Variants in NKAIN2 observed in about 807,000 individuals in gnomAD.
NKAIN2 encodes the protein sodium/potassium-transporting ATPase subunit beta-1-interacting protein 2.
NKAIN2 carries 14 observed loss-of-function variants against 32.6 expected under a neutral mutation model. The observed-to-expected ratio is 0.43, with a 90% CI of 0.28 to 0.67. The LOEUF is 0.67. Among genes scored for constraint, NKAIN2 ranks in the 30% least tolerant of loss-of-function variants. The pLI is 0.17. For missense variants in NKAIN2, 198 were observed against 258.3 expected, an observed-to-expected ratio of 0.77 and a Z score of 1.60; for synonymous variants, 80 against 87.2, an observed-to-expected ratio of 0.92 and a Z score of 0.46.
chr6:124,517,383 TAC>T (rs1183011923), intron 3 of NKAIN2, among the ~76,000 whole-genome samples: 1 of 152,178 alleles, frequency 6.6e-6, no homozygotes, highest in Admixed American at 6.5e-5. Flanking sequence ...AAATCTCTCA[TAC>T]ACAAAAATCT....
intron 2 of NKAIN2, among the ~76,000 whole-genome samples, chr6:124,337,389 C>A (rs1797922588): frequency 6.6e-6 from 1 of 152,052 alleles, no homozygotes; most frequent in Non-Finnish European, 1.5e-5. Context: ...CACCTGTAGT[C>A]CCAGCTGCTC....
chr6:124,390,663 G>T (rs952008063), intron 3 of NKAIN2: 1 of 152,124 alleles, frequency 6.6e-6, no homozygotes, highest in Non-Finnish European at 1.5e-5. Context: ...GAACATATGA[G>T]ATCTACCTAT....
chr6:124,727,374 C>G (rs1583738151), intron 4 of NKAIN2, among the ~76,000 whole-genome samples: 2 of 152,232 alleles, frequency 1.3e-5, no homozygotes, highest in East Asian at 1.9e-4. Context: ...AGAAACCCTA[C>G]AAGCCAGAAG....
rs138357491 is a variant in NKAIN2, at chr6:124,156,186, T to A, written c.55-126819T>A. Among the ~76,000 whole-genome samples, 703 of 152,226 alleles carry A rather than the reference T, an allele frequency of 4.6e-3. 4 individuals are homozygous for A. Among genetic ancestry groups the A allele is most frequent in the African/African-American group, 0.017 (686 of 41,540 alleles). On this transcript the variant is annotated intron_variant, in intron 1 of 6. Coordinates refer to ENST00000368417, the MANE Select transcript of NKAIN2 (RefSeq NM_001040214.3). ...TGGAGATGAGGGAACAGAAAGCAGG[T>A]CACTAGATACTTATGGATGACTAAG...
chr6:124,582,926 T>C (rs1781574764), intron 3 of NKAIN2, among the ~76,000 whole-genome samples: 1 of 152,018 alleles, frequency 6.6e-6, no homozygotes, highest in Non-Finnish European at 1.5e-5. Context: ...AACATCCCTC[T>C]ATTATAAAAA....
At chr6:124,038,387 G>C (rs1363935385) in intron 1 of NKAIN2, among the ~76,000 whole-genome samples, 1 of 151,906 alleles carries the variant, frequency 6.6e-6, no homozygotes, top group Non-Finnish European at 1.5e-5. Flanking sequence ...GATAATTTCT[G>C]TATTTTTAGT....
intron 4 of NKAIN2, among the ~76,000 whole-genome samples, chr6:124,778,788 A>G (rs1779099280): frequency 6.6e-6 from 1 of 152,162 alleles, no homozygotes. Context: ...TTAAAGGAAA[A>G]AAAAGAAAAA....
intron 1 of NKAIN2, among the ~76,000 whole-genome samples, chr6:124,232,370 G>A (rs1194142055): frequency 6.6e-6 from 1 of 152,126 alleles, no homozygotes; most frequent in African/African-American, 2.4e-5. Context: ...GAAATTAAAG[G>A]AAACAGAGAG....
intron 1 of NKAIN2, among the ~76,000 whole-genome samples, chr6:123,888,140 A>G (rs1773817984): frequency 6.6e-6 from 1 of 152,158 alleles, no homozygotes; most frequent in Non-Finnish European, 1.5e-5. Context: ...AAAACAATCT[A>G]GACAAAGAGG....
At chr6:124,258,069 C>A (rs1025317689) in intron 1 of NKAIN2, among the ~76,000 whole-genome samples, 1 of 151,664 alleles carries the variant, frequency 6.6e-6, no homozygotes, top group African/African-American at 2.4e-5. Flanking sequence ...TGTGAGCCAC[C>A]GTGCTGGCCA....
At chr6:124,808,605 T>C (rs1780713319) in intron 5 of NKAIN2, among the ~76,000 whole-genome samples, 1 of 152,196 alleles carries the variant, frequency 6.6e-6, no homozygotes. Context: ...ACCACTCCTA[T>C]TCAACATAGT....
At chr6:123,865,538 A>G (rs1775947877) in intron 1 of NKAIN2, among the ~76,000 whole-genome samples, 1 of 152,146 alleles carries the variant, frequency 6.6e-6, no homozygotes, top group Non-Finnish European at 1.5e-5. Flanking sequence ...AAATATCGTT[A>G]TATTTCACTT....
At chr6:123,969,608 T>G (rs1339877480) in intron 1 of NKAIN2, among the ~76,000 whole-genome samples, 4 of 152,146 alleles carry the variant, frequency 2.6e-5, no homozygotes, top group Non-Finnish European at 5.9e-5. Flanking sequence ...AGCATGCCTA[T>G]TTTCAAAAGG....
intron 5 of NKAIN2, among the ~76,000 whole-genome samples, chr6:124,799,337 C>T (rs533649220): frequency 9.1e-4 from 138 of 152,290 alleles, no homozygotes; most frequent in African/African-American, 3.2e-3. Context: ...ACAGAAAACA[C>T]ATAAGCTATA....
chr6:124,056,319 T>A (rs1180472558), intron 1 of NKAIN2, among the ~76,000 whole-genome samples: 1 of 151,900 alleles, frequency 6.6e-6, no homozygotes, highest in Non-Finnish European at 1.5e-5. Flanking sequence ...ATATCTTGCT[T>A]CCTGACTCTT....
chr6:124,395,236 C>T (rs144394399), intron 3 of NKAIN2, among the ~76,000 whole-genome samples: 1 of 152,222 alleles, frequency 6.6e-6, no homozygotes, highest in African/African-American at 2.4e-5. Context: ...GTCCTATTCC[C>T]ACAGGATGAA....
intron 1 of NKAIN2, among the ~76,000 whole-genome samples, chr6:123,935,536 T>C (rs1486219535): frequency 2.0e-5 from 3 of 148,518 alleles, no homozygotes; most frequent in Non-Finnish European, 4.4e-5. Flanking sequence ...TTTGAATGTG[T>C]TAAGTTTAAG....
At chr6:123,838,017 G>T (rs563653286) in intron 1 of NKAIN2, among the ~76,000 whole-genome samples, 10 of 152,192 alleles carry the variant, frequency 6.6e-5, no homozygotes, top group African/African-American at 2.4e-4. Flanking sequence ...TCTTGCAGAA[G>T]AAACAAGACT....
intron 3 of NKAIN2, among the ~76,000 whole-genome samples, chr6:124,594,519 T>C (rs938439073): frequency 6.6e-6 from 1 of 152,132 alleles, no homozygotes; most frequent in Admixed American, 6.5e-5. Flanking sequence ...ATAAAGAGGA[T>C]GTTGGTTAAT....
Sources: gnomAD v4.1 joint callset for allele counts (sites outside exome capture counted in the v4.1 genomes callset) on GRCh38, gnomAD v4.1.1 for gene constraint, MANE v1.5 for transcripts, NCBI Gene and HGNC (gene_info 2026-07-23, HGNC 2026-07-21) for gene names.